ZFX: variants seen among roughly 807,000 people sequenced by gnomAD.
ZFX encodes zinc finger X-chromosomal protein.
For synonymous variants in ZFX, 196 were observed against 226.8 expected, an observed-to-expected ratio of 0.86 and a Z score of 1.22; for missense variants, 362 against 628.3, an observed-to-expected ratio of 0.58 and a Z score of 4.53.
rs113266454 is a variant in ZFX, at chrX:24,199,832, G to A, written c.647-7494G>A. ...CTTGGGAGGCTGAGGCAGGAGAATC[G>A]CTTGAACCTGGAAGGCAAAGGTTGC... On this transcript the variant is annotated intron_variant, in intron 5 of 9. Coordinates refer to ENST00000304543, the MANE Select transcript of ZFX (RefSeq NM_003410.4). 3.1e-3 allele frequency among the ~76,000 whole-genome samples: 343 copies of A among 109,217 alleles called. 2 individuals are homozygous for A. Among genetic ancestry groups the A allele is most frequent in the African/African-American group, 0.011 (323 of 29,908 alleles). 94.8% of individuals were successfully genotyped at this position (109,217 alleles called of 115,157 possible).
chrX:24,154,907 T>G (rs1180234522), intron 3 of ZFX, among the ~76,000 whole-genome samples: 1 of 111,459 alleles, frequency 9.0e-6, no homozygotes, highest in Non-Finnish European at 1.9e-5. Context: ...ATACCGAATA[T>G]TCTCACATAC....
intron 5 of ZFX, among the ~76,000 whole-genome samples, chrX:24,188,977 A>G (rs1936346716): frequency 9.0e-6 from 1 of 111,088 alleles, no homozygotes; most frequent in African/African-American, 3.3e-5. Flanking sequence ...AGCTGGGACT[A>G]CAAGTGCGTG....
chrX:24,165,482 A>T (rs1438994547), intron 3 of ZFX, among the ~76,000 whole-genome samples: 9 of 112,950 alleles, frequency 8.0e-5, no homozygotes, highest in Non-Finnish European at 1.9e-5. Flanking sequence ...AAGAAAACTT[A>T]CTAAGTTAAC....
chrX:24,171,877 T>C (rs1036258701), intron 3 of ZFX, among the ~76,000 whole-genome samples: 4 of 105,092 alleles, frequency 3.8e-5, no homozygotes, highest in African/African-American at 1.4e-4. Context: ...TCAGCTCTTA[T>C]GTTCCAGCCA....
intron 3 of ZFX, among the ~76,000 whole-genome samples, chrX:24,171,714 T>C (rs1767388713): frequency 9.0e-6 from 1 of 111,409 alleles, no homozygotes; most frequent in Non-Finnish European, 1.9e-5. Context: ...ATTAAGGCCA[T>C]TGGAATGTCT....
chrX:24,150,445 A>G (rs1374014065), intron 1 of ZFX: 2 of 112,348 alleles, frequency 1.8e-5, no homozygotes, highest in African/African-American at 6.4e-5. Context: ...TGCCGCCATG[A>G]TGAGCGCTCG....
In ZFX at chrX:24,202,524, G is replaced by A. The variant is rs1569163501; in HGVS notation, c.647-4802G>A. Among the ~76,000 whole-genome samples the A allele has an allele frequency of 2.7e-5, 3 of 111,333 alleles. No homozygotes were observed. The East Asian group carries it at 8.4e-4, about 31-fold the overall frequency. On this transcript the variant is annotated intron_variant, in intron 5 of 9. Transcript: ENST00000304543. ...CCTCCTCCACGTTCCTTCTTGTGTG[G>A]TGCTGCATTATTGCCATGGGCCTTA...
intron 5 of ZFX, among the ~76,000 whole-genome samples, chrX:24,199,913 G>A (rs983284380): frequency 3.8e-5 from 4 of 105,198 alleles, no homozygotes; most frequent in South Asian, 4.3e-4. Context: ...GCGAAACTCC[G>A]TCTCAAAAAA....
rs763202205 is a variant in ZFX at position 24,173,579 on chromosome X, C to G, written c.58+779C>G. The G allele has an allele frequency of 7.3e-5, 83 of 1,143,606 alleles. 1 individual carries two copies. The highest frequency in any genetic ancestry group is 9.1e-5 in the Non-Finnish European group (79 of 868,351). The allele number at this position is 1,143,606 out of a possible 1,213,427, so 94.2% of individuals were successfully genotyped here. A position where few individuals can be genotyped will look rare whatever the true frequency, so the allele number is the denominator to read the frequency against. On this transcript the variant is annotated intron_variant, in intron 4 of 9. Coordinates refer to ENST00000304543, the MANE Select transcript of ZFX (RefSeq NM_003410.4). ...TATATAACGTTGTAAAGTGGTTACA[C>G]TTGCGTTTTGGGTTTTTTTGTTTTC... is the stretch of plus-strand genomic sequence containing the variant.
At chrX:24,180,025 C>T (rs1222976009) in intron 5 of ZFX, among the ~76,000 whole-genome samples, 2 of 109,870 alleles carry the variant, frequency 1.8e-5, no homozygotes, top group South Asian at 4.0e-4. Context: ...GTCAGGAGTT[C>T]GAGACCAGCC....
chrX:24,158,812 T>TTC lies in ZFX; in HGVS notation c.-29+5983_-29+5984insCT, dbSNP rs1236189429. Among the ~76,000 whole-genome samples the TTC allele has an allele frequency of 1.2e-4, 13 of 105,178 alleles. No individual in the cohort carries two copies. The East Asian group carries it at 2.7e-3, about 22-fold the overall frequency. 91.3% of individuals were successfully genotyped at this position (105,178 alleles called of 115,157 possible). ...CCACCATGCCCGGCTAATTTTTTTTTTTTTTTTTGTATTTTTAGTAGAGAT... is the reference window on the plus strand; with the variant it reads ...CCACCATGCCCGGCTAATTTTTTTTTTCTTTTTTTTGTATTTTTAGTAGAGAT... On this transcript the variant is annotated intron_variant, in intron 3 of 9. Transcript: ENST00000304543.
chrX:24,156,088 G>A (rs1233066622), intron 3 of ZFX, among the ~76,000 whole-genome samples: 4 of 111,335 alleles, frequency 3.6e-5, no homozygotes, highest in Non-Finnish European at 5.7e-5. Flanking sequence ...GTAGAGACGG[G>A]GTTTCACCAT....
intron 5 of ZFX, among the ~76,000 whole-genome samples, chrX:24,180,039 C>T (rs772986835): frequency 6.4e-5 from 7 of 109,485 alleles, no homozygotes; most frequent in Admixed American, 5.9e-4. Flanking sequence ...ACCAGCCTGG[C>T]CAACCAACAT....
At position 24,213,644 on chromosome X, in the gene ZFX, G is replaced by A. The variant is rs747234900; in HGVS notation, c.*2268G>A. Reference sequence around the variant, plus strand: ...TGGGTTTTCCTAGCCTATCTTATAGGAAATTCCTGTACCTTCTTGGCCCCC... The same window carrying A: ...TGGGTTTTCCTAGCCTATCTTATAGAAAATTCCTGTACCTTCTTGGCCCCC... On this transcript the variant is annotated 3_prime_UTR_variant, in exon 10 of 10. Transcript: ENST00000304543. 1 of 106,755 alleles carries A rather than the reference G, an allele frequency of 9.4e-6. No individual in the cohort carries two copies. Among genetic ancestry groups the A allele is most frequent in the African/African-American group, 3.4e-5 (1 of 29,192 alleles). 8.8% of individuals were successfully genotyped at this position (106,755 alleles called of 1,213,427 possible). A position where few individuals can be genotyped will look rare whatever the true frequency, so the allele number is the denominator to read the frequency against.
At chrX:24,203,715 T>C (rs754639451) in intron 5 of ZFX, among the ~76,000 whole-genome samples, 1 of 111,968 alleles carries the variant, frequency 8.9e-6, no homozygotes, top group East Asian at 2.8e-4. Flanking sequence ...TCCAGCAATA[T>C]TGAACCATGC....
At chrX:24,207,642 G>A (rs1232761902) in intron 6 of ZFX, 70 bp from the exon 7 acceptor site, 2 of 1,158,494 alleles carry the variant, frequency 1.7e-6, no homozygotes, top group Non-Finnish European at 2.3e-6. Context: ...AGAAAATTAT[G>A]TAAAAAGAAA....
At chrX:24,178,524 G>A (rs766656969) in intron 4 of ZFX, among the ~76,000 whole-genome samples, 6 of 106,245 alleles carry the variant, frequency 5.6e-5, no homozygotes, top group Middle Eastern at 5.3e-3. Context: ...CTTCTGACCT[G>A]GTCATCCGCC....
intron 7 of ZFX, 64 bp from the exon 8 acceptor site, chrX:24,208,154 A>T: frequency 8.6e-7 from 1 of 1,168,553 alleles, no homozygotes; most frequent in Non-Finnish European, 1.2e-6. Context: ...GAATTCAAAT[A>T]AAAACGTGTT....
At chrX:24,167,986 GAATTT>G (rs1203465172) in intron 3 of ZFX, among the ~76,000 whole-genome samples, 2 of 111,358 alleles carry the variant, frequency 1.8e-5, no homozygotes, top group South Asian at 3.7e-4. Flanking sequence ...GCTTTGAGAT[GAATTT>G]AATTTAAGGG....
Sources: gnomAD v4.1 joint callset for allele counts (sites outside exome capture counted in the v4.1 genomes callset) on GRCh38, gnomAD v4.1.1 for gene constraint, MANE v1.5 for transcripts, NCBI Gene and HGNC (gene_info 2026-07-23, HGNC 2026-07-21) for gene names.